CEP295: variants seen among roughly 807,000 people sequenced by gnomAD.
CEP295 encodes the protein centrosomal protein of 295 kDa.
A neutral mutation model predicts 291.6 loss-of-function variants in CEP295; 190 were observed. The ratio of observed to expected loss-of-function variants is 0.65; its 90% confidence interval spans 0.58 to 0.73. The LOEUF (loss-of-function observed/expected upper bound fraction) is 0.73. Ranked by LOEUF, CEP295 falls within the 30% of genes least tolerant of loss-of-function variation. CEP295 has a pLI of 0.00. For missense variants in CEP295, 2,863 were observed against 2,949.4 expected (o/e 0.97, Z 0.68); for synonymous variants, 993 against 1,038.8 (o/e 0.96, Z 0.85).
At chr11:93,707,436 G>A (rs1952576548) in intron 18 of CEP295, among the ~76,000 whole-genome samples, 1 of 152,022 alleles carries the variant, frequency 6.6e-6, no homozygotes, top group Non-Finnish European at 1.5e-5. Context: ...TATAGTTGTA[G>A]TACTATTTTA....
chr11:93,668,539 C>T (rs566583327), intron 3 of CEP295, among the ~76,000 whole-genome samples: 37 of 152,096 alleles, frequency 2.4e-4, no homozygotes, highest in Admixed American at 7.9e-4. Flanking sequence ...ATATATTTTA[C>T]GTACTTTAAC....
rs569046520 is a variant in CEP295, at chr11:93,678,943, G to A, written c.625-469G>A. ...ACAGTCTTAGTTTACTGGAACTTCC[G>A]CCTCCCGGGCTCAAGTGATTTTCCT... On this transcript the variant is annotated intron_variant, in intron 6 of 29. Coordinates refer to ENST00000325212, the MANE Select transcript of CEP295 (RefSeq NM_033395.2). Among the ~76,000 whole-genome samples, 3 of 152,148 alleles carry A rather than the reference G, an allele frequency of 2.0e-5. No individual in the cohort carries two copies. The East Asian group carries it at 5.8e-4, about 29-fold the overall frequency.
intron 7 of CEP295, among the ~76,000 whole-genome samples, chr11:93,681,608 G>C (rs986255443): frequency 6.6e-6 from 1 of 151,104 alleles, no homozygotes; most frequent in African/African-American, 2.4e-5. Context: ...TAGAGACAGG[G>C]TTTCACCACG....
Position 93,697,341 on chromosome 11 carries a change from C to T in CEP295, c.2429C>T (p.Pro810Leu), listed in dbSNP as rs771256711. 3 of 1,551,662 alleles carry T rather than the reference C, an allele frequency of 1.9e-6. No homozygotes were observed. The highest frequency in any genetic ancestry group is 2.6e-6 in the Non-Finnish European group (3 of 1,147,036). Reference sequence around the variant, plus strand: ...GTTGAGTCAGGAAAAATTCAAGAACCCTTTTCAGCCATGAGCAAAAGTACA... The same window carrying T: ...GTTGAGTCAGGAAAAATTCAAGAACTCTTTTCAGCCATGAGCAAAAGTACA... ...VKVESGKIQE[P>L]FSAMSKSTVS... The change falls in exon 15 of 30, where the codon CCC becomes CTC. Residue 810 changes from proline to leucine, a missense_variant. By Grantham distance (98) the Pro-to-Leu change is moderately conservative. Around this residue, in one of 3 missense-constraint regions of CEP295, gnomAD observed 2,295 missense variants for 2,335.7 expected, o/e 0.98. Coordinates refer to ENST00000325212, the MANE Select transcript of CEP295 (RefSeq NM_033395.2).
intron 6 of CEP295, among the ~76,000 whole-genome samples, chr11:93,678,918 A>G (rs1386356165): frequency 6.6e-6 from 1 of 152,080 alleles, no homozygotes; most frequent in Non-Finnish European, 1.5e-5. Flanking sequence ...GTGCAGTGGC[A>G]CAGTCTTAGT....
At chr11:93,705,581 C>T (rs1952459990) in intron 17 of CEP295, among the ~76,000 whole-genome samples, 1 of 151,948 alleles carries the variant, frequency 6.6e-6, no homozygotes. Context: ...TGATTATTTT[C>T]TTTTTTTATA....
Position 93,699,050 on chromosome 11 carries a change from C to T in CEP295, c.4138C>T (p.Gln1380Ter), listed in dbSNP as rs1339446118. The change falls in exon 15 of 30, where the codon CAG (glutamine) becomes TAG (stop). Residue 1380 changes from glutamine (Q) to a stop codon, truncating the protein, a stop_gained. Transcript: ENST00000325212. LOFTEE classifies it high-confidence loss of function. ...AGCTCGGGAAGAATTACTTTTACAT[C>T]AGAGTGAATGGGAGGGAAGAATATC... The part of the protein sequence containing the change: ...QEAREELLLH[Q>*]SEWEGRISPE... The T allele has an allele frequency of 6.5e-7, 1 of 1,546,002 alleles. No individual in the cohort carries two copies. Among genetic ancestry groups the T allele is most frequent in the African/African-American group, 1.4e-5 (1 of 73,022 alleles).
intron 20 of CEP295, among the ~76,000 whole-genome samples, 190 bp downstream of exon 20, chr11:93,722,240 C>T (rs1362248972): frequency 3.3e-5 from 5 of 152,010 alleles, no homozygotes; most frequent in African/African-American, 4.8e-5. Context: ...GTGGGAGGAT[C>T]GCTTGAGCCC....
intron 9 of CEP295, among the ~76,000 whole-genome samples, chr11:93,685,561 A>T (rs1243076849): frequency 6.6e-6 from 1 of 152,360 alleles, no homozygotes. Context: ...CAGCAGCTTA[A>T]GGTTACTGTG....
Position 93,697,690 on chromosome 11 carries a change from T to A in CEP295, c.2778T>A (p.His926Gln). ...TKNNIAVSSD[H>Q]HVISQLQDKR... is the part of the protein sequence containing the mutation. Reference sequence around the variant, plus strand: ...ATAATATTGCAGTTTCCTCAGACCATCATGTGATCTCACAACTTCAGGATA... The same window carrying A: ...ATAATATTGCAGTTTCCTCAGACCAACATGTGATCTCACAACTTCAGGATA... The change falls in exon 15 of 30, where the codon CAT becomes CAA. Residue 926 changes from histidine to glutamine, a missense_variant. His to Gln is a conservative substitution (Grantham distance 24, BLOSUM62 0). Coordinates refer to ENST00000325212, the MANE Select transcript of CEP295 (RefSeq NM_033395.2). The A allele has an allele frequency of 6.4e-7, 1 of 1,551,752 alleles. No homozygotes were observed. Among genetic ancestry groups the A allele is most frequent in the South Asian group, 1.2e-5 (1 of 84,062 alleles).
chr11:93,678,178 G>T (rs997176710), intron 6 of CEP295, among the ~76,000 whole-genome samples: 4 of 152,114 alleles, frequency 2.6e-5, no homozygotes. Flanking sequence ...TTCAAGAGAT[G>T]TGAAGAATTC....
chr11:93,715,492 G>A (rs1449767807), intron 18 of CEP295, among the ~76,000 whole-genome samples: 2 of 152,102 alleles, frequency 1.3e-5, no homozygotes, highest in African/African-American at 4.8e-5. Context: ...CTGTGGCCAA[G>A]CTGGTACCTA....
Position 93,700,054 on chromosome 11 carries a change from G to T in CEP295, c.5142G>T (p.Leu1714Phe). ...QQDNLGLQKQ[L>F]DLQREVLHYS... ...ATAACTTGGGACTTCAGAAACAGTT[G>T]GATCTACAAAGAGAAGTTCTGCATT... Residue 1714 changes from leucine (L) to phenylalanine (F), a missense_variant, in exon 15 of 30, where the codon TTG becomes TTT. By Grantham distance (22) the Leu-to-Phe change is conservative (BLOSUM62 0). Coordinates refer to ENST00000325212, the MANE Select transcript of CEP295 (RefSeq NM_033395.2). 1 of 1,551,720 alleles carries T rather than the reference G, an allele frequency of 6.4e-7. No individual in the cohort carries two copies. The highest frequency in any genetic ancestry group is 1.2e-5 in the South Asian group (1 of 84,042).
At chr11:93,679,614 G>T in intron 7 of CEP295, 62 bp downstream of exon 7, 1 of 1,352,264 alleles carries the variant, frequency 7.4e-7, no homozygotes, top group South Asian at 1.5e-5. Flanking sequence ...TTGCAGGACT[G>T]ATTAGTGAAT....
At chr11:93,712,144 C>T (rs1473875187) in intron 18 of CEP295, among the ~76,000 whole-genome samples, 1 of 151,910 alleles carries the variant, frequency 6.6e-6, no homozygotes, top group Non-Finnish European at 1.5e-5. Context: ...GTGTTGGGTG[C>T]ATATATGTTT....
chr11:93,721,820 T>C (rs1953752346), intron 19 of CEP295, 134 bp from the exon 20 acceptor site: 2 of 735,476 alleles, frequency 2.7e-6, no homozygotes, highest in East Asian at 2.4e-5. Flanking sequence ...AAGGTTTTAC[T>C]ACTGATCTTT....
chr11:93,681,003 T>C (rs990144736), intron 7 of CEP295, among the ~76,000 whole-genome samples: 1 of 152,222 alleles, frequency 6.6e-6, no homozygotes, highest in Non-Finnish European at 1.5e-5. Flanking sequence ...CTAAAATAAC[T>C]GAATGTCTGA....
rs1951863863 is a variant in CEP295 at position 93,696,725 on chromosome 11, G to A, written c.1813G>A (p.Glu605Lys). 1 of 1,550,848 alleles carries A rather than the reference G, an allele frequency of 6.4e-7. No homozygotes were observed. The change falls in exon 15 of 30, where the codon GAA becomes AAA. Residue 605 changes from glutamate (E) to lysine (K), a missense_variant. Around this residue, in one of 3 missense-constraint regions of CEP295, gnomAD observed 2,295 missense variants for 2,335.7 expected, o/e 0.98. Coordinates refer to ENST00000325212, the MANE Select transcript of CEP295 (RefSeq NM_033395.2). ...SVETARKQLL[E>K]YQTMLKGRCP... is the part of the protein sequence containing the mutation. ...TGAAACAGCCAGGAAACAATTACTT[G>A]AATATCAAACTATGTTAAAAGGAAG...
At position 93,728,662 on chromosome 11, in the gene CEP295, T is replaced by G. The variant is rs1190838208; in HGVS notation, c.7162-19T>G. On this transcript the variant is annotated intron_variant, in intron 24 of 29. Coordinates refer to ENST00000325212, the MANE Select transcript of CEP295 (RefSeq NM_033395.2). Reference sequence around the variant, plus strand: ...TAAGGCTATTTTGACATGGTTTTCCTTTTAATTGTGGTTCACAGGAAACAG... The same window carrying G: ...TAAGGCTATTTTGACATGGTTTTCCGTTTAATTGTGGTTCACAGGAAACAG... 2 of 1,516,222 alleles carry G rather than the reference T, an allele frequency of 1.3e-6. No individual in the cohort carries two copies. Among genetic ancestry groups the G allele is most frequent in the Admixed American group, 4.8e-5 (2 of 41,298 alleles). The allele number at this position is 1,516,222 out of a possible 1,614,324, so 93.9% of individuals were successfully genotyped here.
Sources: allele counts gnomAD v4.1 joint callset (sites outside exome capture counted in the v4.1 genomes callset), GRCh38; gene constraint gnomAD v4.1.1; regional missense constraint gnomAD v4.1.1; transcripts MANE v1.5; gene names NCBI Gene and HGNC (gene_info 2026-07-23, HGNC 2026-07-21).